Variants in GLCCI1 observed in about 807,000 individuals in gnomAD.
GLCCI1 encodes the protein glucocorticoid induced 1.
A neutral mutation model predicts 52.2 loss-of-function variants in GLCCI1; 24 were observed. That is an observed-to-expected ratio of 0.46 (90% CI 0.33 to 0.65). The LOEUF is 0.65. Ranked by LOEUF, GLCCI1 falls within the 30% of genes least tolerant of loss-of-function variation. The pLI, the probability that GLCCI1 is intolerant of heterozygous loss-of-function variation, is 0.02. For missense variants in GLCCI1, 704 were observed against 701.5 expected (o/e 1.00, Z -0.04); for synonymous variants, 310 against 276.5 (o/e 1.12, Z -1.20).
intron 3 of GLCCI1, among the ~76,000 whole-genome samples, chr7:8,051,484 A>G (rs1782257034): frequency 6.6e-6 from 1 of 152,206 alleles, no homozygotes; most frequent in Admixed American, 6.5e-5. Context: ...CTTTTGAGTC[A>G]GGTTACTGCT....
At chr7:8,060,035 C>A in intron 4 of GLCCI1, 61 bp from the exon 5 acceptor site, 1 of 1,376,918 alleles carries the variant, frequency 7.3e-7, no homozygotes, top group East Asian at 2.4e-5. Context: ...TTACCATACT[C>A]TTTAGTTCTT....
At chr7:8,050,699 G>A (rs1382923706) in intron 3 of GLCCI1, among the ~76,000 whole-genome samples, 1 of 135,930 alleles carries the variant, frequency 7.4e-6, no homozygotes, top group Non-Finnish European at 1.6e-5. Context: ...ATTTTTGTAA[G>A]ATTTATCTCC....
At chr7:8,039,174 C>G (rs1367119723) in intron 3 of GLCCI1, among the ~76,000 whole-genome samples, 2 of 152,108 alleles carry the variant, frequency 1.3e-5, no homozygotes, top group Non-Finnish European at 2.9e-5. Context: ...ACTACAACCT[C>G]TATGCAAAAA....
intron 2 of GLCCI1, among the ~76,000 whole-genome samples, chr7:8,020,711 A>G (rs536867509): frequency 3.9e-5 from 6 of 152,216 alleles, no homozygotes; most frequent in Non-Finnish European, 4.4e-5. Flanking sequence ...TTTTCTGTGA[A>G]TATACTTTGA....
rs537280943 is a variant in GLCCI1 at position 7,988,535 on chromosome 7, G to T, written c.458-15373G>T. 3.3e-5 allele frequency among the ~76,000 whole-genome samples: 5 copies of T among 152,120 alleles called. No homozygotes were observed. The East Asian group carries it at 7.7e-4, about 24-fold the overall frequency. On this transcript the variant is annotated intron_variant, in intron 1 of 7. Coordinates refer to ENST00000223145, the MANE Select transcript of GLCCI1 (RefSeq NM_138426.4). Reference sequence around the variant, plus strand: ...AGTACTTTTTTTTAATGTCTTCGGAGAATTTCATTTAGAATACTCTTGGAG... The same window carrying T: ...AGTACTTTTTTTTAATGTCTTCGGATAATTTCATTTAGAATACTCTTGGAG...
chr7:8,078,157 C>G (rs1296053802), intron 6 of GLCCI1, among the ~76,000 whole-genome samples: 1 of 139,948 alleles, frequency 7.1e-6, no homozygotes, highest in Non-Finnish European at 1.5e-5. Context: ...TGGCATGAAC[C>G]GAGATCACAC....
chr7:7,976,476 T>A (rs1780470877), intron 1 of GLCCI1, among the ~76,000 whole-genome samples: 1 of 7,316 alleles, frequency 1.4e-4, no homozygotes, highest in Non-Finnish European at 2.2e-4. Context: ...TGAAACTCCA[T>A]CTCAAAAAAA....
At chr7:8,080,552 G>T (rs1782973407) in intron 6 of GLCCI1, among the ~76,000 whole-genome samples, 1 of 151,408 alleles carries the variant, frequency 6.6e-6, no homozygotes, top group African/African-American at 2.5e-5. Flanking sequence ...ATGTCAGGCA[G>T]TTATAAACCT....
chr7:8,081,413 CTT>C (rs1782991117), intron 6 of GLCCI1, among the ~76,000 whole-genome samples: 1 of 152,136 alleles, frequency 6.6e-6, no homozygotes, highest in Non-Finnish European at 1.5e-5. Flanking sequence ...CATCTATAGA[CTT>C]AGGGCTAGAA....
chr7:7,977,585 G>A (rs1028127213), intron 1 of GLCCI1, among the ~76,000 whole-genome samples: 1 of 152,028 alleles, frequency 6.6e-6, no homozygotes, highest in Non-Finnish European at 1.5e-5. Context: ...TTTGACATTT[G>A]TCTTATGACA....
intron 2 of GLCCI1, among the ~76,000 whole-genome samples, chr7:8,019,009 A>G (rs1441872517): frequency 6.6e-6 from 1 of 152,218 alleles, no homozygotes; most frequent in East Asian, 1.9e-4. Context: ...ATGGTAAAAC[A>G]TTTCTCAAAT....
chr7:8,075,694 A>G (rs189157768), intron 6 of GLCCI1, among the ~76,000 whole-genome samples: 2 of 152,324 alleles, frequency 1.3e-5, no homozygotes, highest in African/African-American at 4.8e-5. Flanking sequence ...AAATTCTGCA[A>G]TTTTGCAGGA....
At chr7:8,022,207 C>A (rs1781508099) in intron 2 of GLCCI1, among the ~76,000 whole-genome samples, 1 of 152,050 alleles carries the variant, frequency 6.6e-6, no homozygotes, top group Non-Finnish European at 1.5e-5. Flanking sequence ...CTTTACTATT[C>A]CCTTTGAATT....
At chr7:8,047,519 T>C (rs898665513) in intron 3 of GLCCI1, among the ~76,000 whole-genome samples, 1 of 152,224 alleles carries the variant, frequency 6.6e-6, no homozygotes, top group African/African-American at 2.4e-5. Context: ...GACAAGTACA[T>C]GCTGAAGATA....
chr7:7,990,365 A>G (rs1780813781), intron 1 of GLCCI1, among the ~76,000 whole-genome samples: 1 of 152,134 alleles, frequency 6.6e-6, no homozygotes, highest in South Asian at 2.1e-4. Context: ...GCACAGTTCA[A>G]TCGGTAATAT....
intron 4 of GLCCI1, among the ~76,000 whole-genome samples, chr7:8,055,992 C>CAAA (rs35822583): frequency 9.4e-4 from 113 of 120,640 alleles, no homozygotes; most frequent in African/African-American, 3.3e-3. Flanking sequence ...GACTCCGTCT[C>CAAA]AAAAAAAAAA....
chr7:8,034,810 G>A (rs2127952754), intron 3 of GLCCI1, among the ~76,000 whole-genome samples: 1 of 152,234 alleles, frequency 6.6e-6, no homozygotes, highest in East Asian at 1.9e-4. Flanking sequence ...GAAGTGTTTT[G>A]GGCTCCCCTT....
At chr7:8,013,343 A>G (rs1781308130) in intron 2 of GLCCI1, among the ~76,000 whole-genome samples, 2 of 152,144 alleles carry the variant, frequency 1.3e-5, no homozygotes, top group Admixed American at 6.5e-5. Context: ...TAAAGAGTTT[A>G]TCTTTTCCCT....
At chr7:8,072,706 C>G (rs1584020773) in intron 6 of GLCCI1, among the ~76,000 whole-genome samples, 1 of 152,198 alleles carries the variant, frequency 6.6e-6, no homozygotes, top group Non-Finnish European at 1.5e-5. Context: ...AACTCATATT[C>G]TTTGTTATTA....
Sources: allele counts gnomAD v4.1 joint callset (sites outside exome capture counted in the v4.1 genomes callset), GRCh38; gene constraint gnomAD v4.1.1; transcripts MANE v1.5; gene names NCBI Gene and HGNC (gene_info 2026-07-23, HGNC 2026-07-21).